Variants in BMP6 observed in about 807,000 individuals in gnomAD.
The protein encoded by BMP6 is VG-1-R.
A neutral mutation model predicts 54.1 loss-of-function variants in BMP6; 17 were observed. That is an observed-to-expected ratio of 0.31 (90% CI 0.22 to 0.47). The LOEUF (loss-of-function observed/expected upper bound fraction) is 0.47, where lower values mean the gene tolerates loss of function less well. BMP6 is among the 20% of genes least tolerant of loss of function. The pLI is 1.00. For synonymous variants in BMP6, 328 were observed against 291.2 expected, an observed-to-expected ratio of 1.13 and a Z score of -1.28; for missense variants, 720 against 690.4, an observed-to-expected ratio of 1.04 and a Z score of -0.48.
intron 1 of BMP6, among the ~76,000 whole-genome samples, chr6:7,772,369 T>G (rs1200975559): frequency 6.6e-6 from 1 of 152,230 alleles, no homozygotes; most frequent in African/African-American, 2.4e-5. Flanking sequence ...AGAACCTGTC[T>G]TAAAGGCCCA....
At chr6:7,868,292 G>C (rs1006649371) in intron 4 of BMP6, among the ~76,000 whole-genome samples, 1 of 152,128 alleles carries the variant, frequency 6.6e-6, no homozygotes, top group Non-Finnish European at 1.5e-5. Flanking sequence ...ACAAAATCTA[G>C]ACTCTGATCA....
chr6:7,751,822 T>G (rs1003880129), intron 1 of BMP6, among the ~76,000 whole-genome samples: 1 of 152,202 alleles, frequency 6.6e-6, no homozygotes, highest in Non-Finnish European at 1.5e-5. Flanking sequence ...AGTGAGACTG[T>G]TTTTCAAGAA....
chr6:7,879,425 T>C (rs1396096567), intron 5 of BMP6, among the ~76,000 whole-genome samples: 1 of 152,166 alleles, frequency 6.6e-6, no homozygotes, highest in African/African-American at 2.4e-5. Context: ...TATTCTCACC[T>C]CATCCTTTCA....
chr6:7,869,954 C>T (rs1759492514), intron 4 of BMP6, among the ~76,000 whole-genome samples: 1 of 152,164 alleles, frequency 6.6e-6, no homozygotes, highest in African/African-American at 2.4e-5. Context: ...CTGATGGCCC[C>T]CAGGAAGGGA....
intron 1 of BMP6, among the ~76,000 whole-genome samples, chr6:7,794,991 A>T (rs1758171933): frequency 6.6e-6 from 1 of 152,142 alleles, no homozygotes; most frequent in Admixed American, 6.5e-5. Flanking sequence ...AGTACTATCC[A>T]TGGGAACACA....
Position 7,861,511 on chromosome 6 carries a change from G to A in BMP6, c.918G>A (p.Leu306=), listed in dbSNP as rs1228160875. 1.9e-6 allele frequency: 3 copies of A among 1,614,180 alleles called. No homozygotes were observed. The highest frequency in any genetic ancestry group is 2.5e-6 in the Non-Finnish European group (3 of 1,180,040). ...TATGGGCCTCAGAAGAAGGCTGGCT[G>A]GAATTTGACATCACGGCCACTAGCA... ...RVVWASEEGW[L]EFDITATSNL... is the part of the protein sequence containing the mutation. Residue 306 remains leucine, a synonymous_variant, in exon 3 of 7, where the codon CTG becomes CTA. Coordinates refer to ENST00000283147, the MANE Select transcript of BMP6 (RefSeq NM_001718.6).
intron 1 of BMP6, among the ~76,000 whole-genome samples, chr6:7,777,489 G>A (rs1189543492): frequency 6.6e-6 from 1 of 152,150 alleles, no homozygotes; most frequent in African/African-American, 2.4e-5. Flanking sequence ...GCTCCAGTAT[G>A]GGGACTGGAG....
At chr6:7,791,521 G>A (rs980964461) in intron 1 of BMP6, among the ~76,000 whole-genome samples, 1 of 151,988 alleles carries the variant, frequency 6.6e-6, no homozygotes, top group African/African-American at 2.4e-5. Context: ...CCATCTTCAT[G>A]GCAACCTCAC....
intron 1 of BMP6, among the ~76,000 whole-genome samples, chr6:7,813,471 A>C (rs1581258860): frequency 6.9e-6 from 1 of 145,850 alleles, no homozygotes; most frequent in Non-Finnish European, 1.5e-5. Flanking sequence ...AAAAAAAAAA[A>C]AAAAAAAAAA....
chr6:7,815,521 T>A (rs1758512196), intron 1 of BMP6, among the ~76,000 whole-genome samples: 1 of 152,214 alleles, frequency 6.6e-6, no homozygotes, highest in African/African-American at 2.4e-5. Flanking sequence ...GTACCTACTG[T>A]TACTTTTGCT....
chr6:7,811,370 T>C (rs1296067086), intron 1 of BMP6, among the ~76,000 whole-genome samples: 6 of 152,142 alleles, frequency 3.9e-5, no homozygotes, highest in Non-Finnish European at 8.8e-5. Context: ...GGTTGGGATA[T>C]ACTTGCTTGG....
chr6:7,790,780 A>T (rs1011198755), intron 1 of BMP6, among the ~76,000 whole-genome samples: 3 of 152,192 alleles, frequency 2.0e-5, no homozygotes, highest in Non-Finnish European at 4.4e-5. Context: ...TCCATAGGAC[A>T]TCGCCACATG....
chr6:7,788,638 T>G (rs1758051382), intron 1 of BMP6, among the ~76,000 whole-genome samples: 1 of 152,222 alleles, frequency 6.6e-6, no homozygotes, highest in Admixed American at 6.5e-5. Context: ...TCCTTCATAC[T>G]TGGAAAATGT....
At chr6:7,792,038 T>C (rs916044971) in intron 1 of BMP6, among the ~76,000 whole-genome samples, 2 of 150,888 alleles carry the variant, frequency 1.3e-5, no homozygotes, top group Non-Finnish European at 2.9e-5. Flanking sequence ...GGATGGAAAC[T>C]TATTTTAAGG....
chr6:7,743,926 A>T (rs1757305581), intron 1 of BMP6, among the ~76,000 whole-genome samples: 1 of 152,214 alleles, frequency 6.6e-6, no homozygotes, highest in African/African-American at 2.4e-5. Flanking sequence ...GATTTCTACA[A>T]ATATTGTGAT....
intron 4 of BMP6, among the ~76,000 whole-genome samples, chr6:7,866,622 G>C (rs1010815748): frequency 6.6e-6 from 1 of 152,218 alleles, no homozygotes; most frequent in Non-Finnish European, 1.5e-5. Flanking sequence ...AGGTCAGCTG[G>C]TAAGTCTGAA....
At chr6:7,742,078 A>G (rs1402199193) in intron 1 of BMP6, among the ~76,000 whole-genome samples, 1 of 152,236 alleles carries the variant, frequency 6.6e-6, no homozygotes, top group African/African-American at 2.4e-5. Flanking sequence ...GAACGAGAGA[A>G]TTACAAACTG....
intron 4 of BMP6, among the ~76,000 whole-genome samples, chr6:7,873,548 T>C (rs1175346144): frequency 6.6e-6 from 1 of 152,124 alleles, no homozygotes; most frequent in East Asian, 1.9e-4. Context: ...AATTGAATCA[T>C]TGGTCACATG....
At chr6:7,803,394 A>G (rs1319013904) in intron 1 of BMP6, among the ~76,000 whole-genome samples, 1 of 152,112 alleles carries the variant, frequency 6.6e-6, no homozygotes, top group Non-Finnish European at 1.5e-5. Flanking sequence ...TACCACATTA[A>G]TGGTCTCTGT....
Sources: allele counts gnomAD v4.1 joint callset (sites outside exome capture counted in the v4.1 genomes callset), GRCh38; gene constraint gnomAD v4.1.1; transcripts MANE v1.5; gene names NCBI Gene and HGNC (gene_info 2026-07-23, HGNC 2026-07-21).